GPR183: variants seen among roughly 807,000 people sequenced by gnomAD.
GPR183 encodes EBV-induced G-protein coupled receptor 2.
A neutral mutation model predicts 19.7 loss-of-function variants in GPR183; 9 were observed. That is an observed-to-expected ratio of 0.46 (90% CI 0.28 to 0.80). The LOEUF is 0.80. GPR183 is among the 30% of genes least tolerant of loss of function. The probability of loss-of-function intolerance (pLI) is 0.13; values close to 1 mark genes in which losing one functional copy is unlikely to be tolerated. For missense variants in GPR183, 368 were observed against 446.7 expected (o/e 0.82, Z 1.59); for synonymous variants, 160 against 155.1 (o/e 1.03, Z -0.24).
chr13:99,299,051 A>C (rs73568043), intron 1 of GPR183, among the ~76,000 whole-genome samples: 2 of 152,218 alleles, frequency 1.3e-5, no homozygotes, highest in East Asian at 1.9e-4. Context: ...AGAGTCTGCA[A>C]ATCCTCCATA....
In GPR183 at chr13:99,295,482, T is replaced by G; in HGVS notation, c.664A>C (p.Lys222Gln). Residue 222 changes from lysine to glutamine, a missense_variant, in exon 2 of 2, where the codon AAA becomes CAA. Lys to Gln is a moderately conservative substitution (Grantham distance 53). Coordinates refer to ENST00000376414, the MANE Select transcript of GPR183 (RefSeq NM_004951.5). This position sits in a 1 kb window ranked among gnomAD's most constrained non-coding sequence, Gnocchi z 4.1. ...TTTTGTTTGGCAGTTCTGAAGAGTT[T>G]GCAGCAGATCTGAGAATAGCAGATG... is the stretch of plus-strand genomic sequence containing the variant. Reference protein sequence around the residue: ...ILICYSQICCKLFRTAKQNPL... With the variant: ...ILICYSQICCQLFRTAKQNPL... The G allele has an allele frequency of 6.2e-7, 1 of 1,614,008 alleles. No homozygotes were observed. Among genetic ancestry groups the G allele is most frequent in the East Asian group, 2.2e-5 (1 of 44,884 alleles).
intron 1 of GPR183, among the ~76,000 whole-genome samples, chr13:99,300,079 A>G (rs2044236251): frequency 6.6e-6 from 1 of 152,218 alleles, no homozygotes; most frequent in East Asian, 1.9e-4. Context: ...CACATGCGCA[A>G]CATTGCCCAG....
intron 1 of GPR183, among the ~76,000 whole-genome samples, chr13:99,306,296 G>GT (rs1220116559): frequency 2.6e-5 from 4 of 152,162 alleles, no homozygotes; most frequent in Admixed American, 6.5e-5. Context: ...ATGGGAGACA[G>GT]TTTTTTAGCA....
intron 1 of GPR183, among the ~76,000 whole-genome samples, chr13:99,306,351 C>T (rs560249551): frequency 6.6e-6 from 1 of 152,276 alleles, no homozygotes; most frequent in African/African-American, 2.4e-5. Context: ...AGTAGTAATA[C>T]TCCCCATTTT....
chr13:99,306,082 G>C (rs1201322316), intron 1 of GPR183, among the ~76,000 whole-genome samples: 1 of 152,078 alleles, frequency 6.6e-6, no homozygotes, highest in Non-Finnish European at 1.5e-5. Context: ...TTTTAGTAGA[G>C]ATGGGGTTTC....
In GPR183 at chr13:99,294,928, T is replaced by C. The variant is rs774228340; in HGVS notation, c.*132A>G. The C allele has an allele frequency of 2.5e-5, 24 of 971,400 alleles. No homozygotes were observed. Among genetic ancestry groups the C allele is most frequent in the East Asian group, 7.7e-5 (3 of 39,104 alleles). The allele number at this position is 971,400 out of a possible 1,614,324, so 60.2% of individuals were successfully genotyped here. A position where few individuals can be genotyped will look rare whatever the true frequency, so the allele number is the denominator to read the frequency against. On this transcript the variant is annotated 3_prime_UTR_variant, in exon 2 of 2. Transcript: ENST00000376414. The stretch of plus-strand genomic sequence containing the variant: ...CTTGGGCTTACTTCCGAGTTGGAGA[T>C]GGGAAAGTGCCCAATGAAAGAAATA...
chr13:99,300,391 T>C (rs1399477071), intron 1 of GPR183, among the ~76,000 whole-genome samples: 1 of 152,258 alleles, frequency 6.6e-6, no homozygotes, highest in Admixed American at 6.5e-5. Flanking sequence ...GGCCCTAATA[T>C]GTCACTTTAG....
Position 99,295,401 on chromosome 13 carries a change from T to C in GPR183, c.745A>G (p.Ile249Val). The C allele has an allele frequency of 5.6e-6, 9 of 1,614,040 alleles. No homozygotes were observed. The highest frequency in any genetic ancestry group is 6.8e-6 in the Non-Finnish European group (8 of 1,179,986). The stretch of plus-strand genomic sequence containing the variant: ...AAACAGAGAACAAACACAACAATAA[T>C]AAGAATAATTGTGTTGAGAGCCTTT... Reference protein sequence around the residue: ...NKKALNTIILIIVVFVLCFTP... With the variant: ...NKKALNTIILVIVVFVLCFTP... Residue 249 changes from isoleucine (I) to valine (V), a missense_variant, in exon 2 of 2, where the codon ATT (isoleucine) becomes GTT (valine). Transcript: ENST00000376414. The surrounding 1 kb of genome is among the most constrained non-coding windows in gnomAD (Gnocchi z 4.1).
intron 1 of GPR183, among the ~76,000 whole-genome samples, chr13:99,299,449 TACACACACACACGC>T (rs1036549526): frequency 2.7e-5 from 4 of 149,888 alleles, no homozygotes; most frequent in African/African-American, 5.0e-5. Context: ...GGGAAGCAAA[TACACACACACACGC>T]ACACACACAC....
intron 1 of GPR183, among the ~76,000 whole-genome samples, chr13:99,305,376 C>T (rs773157019): frequency 5.3e-5 from 8 of 152,204 alleles, no homozygotes; most frequent in Admixed American, 6.5e-5. Context: ...GCGTCCTCTA[C>T]ACAGGCCACG....
intron 1 of GPR183, among the ~76,000 whole-genome samples, chr13:99,304,018 G>A (rs993554176): frequency 2.0e-5 from 3 of 152,034 alleles, no homozygotes; most frequent in African/African-American, 4.8e-5. Flanking sequence ...CCTTCTGCCC[G>A]CAGCCACGGC....
intron 1 of GPR183, among the ~76,000 whole-genome samples, chr13:99,305,349 A>G (rs1053220862): frequency 6.6e-6 from 1 of 151,618 alleles, no homozygotes; most frequent in African/African-American, 2.4e-5. Context: ...TAAACCCCCC[A>G]GACTGGAGAA....
chr13:99,301,172 A>G (rs1417974083), intron 1 of GPR183, among the ~76,000 whole-genome samples: 1 of 152,184 alleles, frequency 6.6e-6, no homozygotes, highest in Non-Finnish European at 1.5e-5. Context: ...CGTGCTGCCC[A>G]CACTGAGGGA....
chr13:99,295,186 C>G lies in GPR183; in HGVS notation c.960G>C (p.Met320Ile). ...CACTGACTTGCCGTTTCAGCATCCT[C>G]ATAACCTTTCTCTTATACCCTTTAC... The part of the protein sequence containing the change: ...FACKGYKRKV[M>I]RMLKRQVSVS... The change falls in exon 2 of 2, where the codon ATG (methionine) becomes ATC (isoleucine). Residue 320 changes from methionine to isoleucine, a missense_variant. Coordinates refer to ENST00000376414, the MANE Select transcript of GPR183 (RefSeq NM_004951.5). The surrounding 1 kb of genome is among the most constrained non-coding windows in gnomAD (Gnocchi z 4.1). 1 of 1,614,162 alleles carries G rather than the reference C, an allele frequency of 6.2e-7. No individual in the cohort carries two copies. The highest frequency in any genetic ancestry group is 8.5e-7 in the Non-Finnish European group (1 of 1,180,014).
In GPR183 at chr13:99,298,287, AAT is replaced by A. The variant is rs1365489861; in HGVS notation, c.-18-2126_-18-2125del. 2.6e-5 allele frequency among the ~76,000 whole-genome samples: 4 copies of A among 152,320 alleles called. No individual in the cohort carries two copies. In the East Asian group the frequency reaches 5.8e-4, roughly 22 times the overall value. ...ACCAGAAGACTCAAAGCTTTCAGAA[AAT>A]AGTTATTTTCTGATCACATTGCTTG... On this transcript the variant is annotated intron_variant, in intron 1 of 1. Transcript: ENST00000376414.
chr13:99,300,972 T>G (rs192019699), intron 1 of GPR183, among the ~76,000 whole-genome samples: 9 of 150,478 alleles, frequency 6.0e-5, no homozygotes, highest in African/African-American at 2.2e-4. Flanking sequence ...TTCTGACATG[T>G]TATTTAAGAT....
At chr13:99,301,138 G>T (rs1286677010) in intron 1 of GPR183, among the ~76,000 whole-genome samples, 1 of 152,178 alleles carries the variant, frequency 6.6e-6, no homozygotes, top group Non-Finnish European at 1.5e-5. Context: ...ATGAAAAGAT[G>T]CACGTGGCCC....
chr13:99,294,698 A>T lies in GPR183; in HGVS notation c.*362T>A, dbSNP rs1358538265. ...TGTTATTTAAAAAGTATGTTACAGT[A>T]TTAACATCTGGCAATATATAATCTA... On this transcript the variant is annotated 3_prime_UTR_variant, in exon 2 of 2. Transcript: ENST00000376414. 6.1e-6 allele frequency: 1 copy of T among 164,598 alleles called. No homozygotes were observed. The highest frequency in any genetic ancestry group is 2.4e-5 in the African/African-American group (1 of 41,730). The allele number at this position is 164,598 out of a possible 1,614,324, so 10.2% of individuals were successfully genotyped here.
intron 1 of GPR183, among the ~76,000 whole-genome samples, chr13:99,304,917 A>G (rs1272145470): frequency 6.6e-6 from 1 of 152,242 alleles, no homozygotes; most frequent in East Asian, 1.9e-4. Flanking sequence ...CTTAACGTAC[A>G]CTAACTCATA....
Sources: gnomAD v4.1 joint callset for allele counts (sites outside exome capture counted in the v4.1 genomes callset) on GRCh38, gnomAD v4.1.1 for gene constraint, Gnocchi (gnomAD v3.1) non-coding constraint, MANE v1.5 for transcripts, NCBI Gene and HGNC (gene_info 2026-07-23, HGNC 2026-07-21) for gene names.